Variants in RHAG observed in about 807,000 individuals in gnomAD.
The protein encoded by RHAG is ammonium transporter Rh type A.
Under a neutral mutation model 42.4 loss-of-function variants are expected in RHAG, and 25 were observed. The ratio of observed to expected loss-of-function variants is 0.59; its 90% CI spans 0.43 to 0.82. The LOEUF (loss-of-function observed/expected upper bound fraction) is 0.82. RHAG is among the 40% of genes least tolerant of loss of function. The pLI, the probability that RHAG is intolerant of heterozygous loss-of-function variation, is 0.00. For synonymous variants in RHAG, 182 were observed against 177.7 expected, an observed-to-expected ratio of 1.02 and a Z score of -0.19; for missense variants, 483 against 504.6, an observed-to-expected ratio of 0.96 and a Z score of 0.41.
At chr6:49,613,790 C>T (rs1457232654) in intron 5 of RHAG, among the ~76,000 whole-genome samples, 3 of 152,220 alleles carry the variant, frequency 2.0e-5, no homozygotes, top group Admixed American at 1.3e-4. Context: ...ATATGTCCCT[C>T]ATCCAGTTTC....
Position 49,614,667 on chromosome 6 carries a change from A to G in RHAG, c.807+20T>C. ...AGTGTTGTGAAGCAAAATTTCCATG[A>G]GGGCTAAGGCGGCACTTACCATGTT... On this transcript the variant is annotated intron_variant, in intron 5 of 9. Coordinates refer to ENST00000371175, the MANE Select transcript of RHAG (RefSeq NM_000324.3). 6.2e-7 allele frequency: 1 copy of G among 1,612,560 alleles called. No individual in the cohort carries two copies. Among genetic ancestry groups the G allele is most frequent in the Non-Finnish European group, 8.5e-7 (1 of 1,179,598 alleles).
At chr6:49,618,764 C>T (rs749856404) in intron 2 of RHAG, among the ~76,000 whole-genome samples, 3 of 152,112 alleles carry the variant, frequency 2.0e-5, no homozygotes, top group Non-Finnish European at 2.9e-5. Context: ...ACCAGAGAAA[C>T]GATTGATTTG....
At chr6:49,619,479 G>A (rs1762717013) in intron 1 of RHAG, 117 bp from the exon 2 acceptor site, 15 of 995,630 alleles carry the variant, frequency 1.5e-5, no homozygotes, top group Non-Finnish European at 2.0e-5. Context: ...TAGGAAAAGA[G>A]AGCATTTAAC....
At chr6:49,635,237 T>G (rs767183228) in intron 1 of RHAG, among the ~76,000 whole-genome samples, 10 of 151,938 alleles carry the variant, frequency 6.6e-5, no homozygotes, top group Non-Finnish European at 1.0e-4. Flanking sequence ...TGCTGGGACT[T>G]AGAAAGTTCA....
At chr6:49,619,465 A>G (rs1200107317) in intron 1 of RHAG, 103 bp from the exon 2 acceptor site, 3 of 1,064,170 alleles carry the variant, frequency 2.8e-6, no homozygotes, top group African/African-American at 3.1e-5. Flanking sequence ...TTTGTATAAC[A>G]CACTAGGAAA....
At chr6:49,624,424 C>T (rs184147848) in intron 1 of RHAG, among the ~76,000 whole-genome samples, 2 of 152,242 alleles carry the variant, frequency 1.3e-5, no homozygotes, top group East Asian at 3.9e-4. Context: ...AGGTTGGTCT[C>T]GAACTCCTGA....
At position 49,611,083 on chromosome 6, in the gene RHAG, T is replaced by G; in HGVS notation, c.1008A>C (p.Leu336Phe). 1 of 1,613,826 alleles carries G rather than the reference T, an allele frequency of 6.2e-7. No homozygotes were observed. The highest frequency in any genetic ancestry group is 8.5e-7 in the Non-Finnish European group (1 of 1,179,848). ...CTGCAAGGCCTCCCACTACACCAGGTAAGCCGTGGAGGTTATGGACCCCAC... is the reference window on the plus strand; with the variant it reads ...CTGCAAGGCCTCCCACTACACCAGGGAAGCCGTGGAGGTTATGGACCCCAC... ...DTCGVHNLHG[L>F]PGVVGGLAGI... Residue 336 changes from leucine to phenylalanine, a missense_variant, in exon 7 of 10, where the codon TTA becomes TTC. Physicochemically the swap from Leu to Phe is conservative, Grantham distance 22. Coordinates refer to ENST00000371175, the MANE Select transcript of RHAG (RefSeq NM_000324.3).
intron 1 of RHAG, among the ~76,000 whole-genome samples, chr6:49,633,116 G>A (rs1762957968): frequency 6.6e-6 from 1 of 152,182 alleles, no homozygotes; most frequent in South Asian, 2.1e-4. Context: ...CAGAATACAA[G>A]TGATGAGAAT....
Position 49,605,831 on chromosome 6 carries a change from C to G in RHAG, c.1213-1G>C. ...TGTCAAGTTATCTCGTCTTAGGGAC[C>G]TTTAAAAAAACAAGTTTGAGGGCAC... is the stretch of plus-strand genomic sequence containing the variant. On this transcript the variant is annotated splice_acceptor_variant, in intron 9 of 9. Coordinates refer to ENST00000371175, the MANE Select transcript of RHAG (RefSeq NM_000324.3). LOFTEE classifies it high-confidence loss of function. The G allele has an allele frequency of 1.9e-6, 3 of 1,612,804 alleles. No homozygotes were observed. The highest frequency in any genetic ancestry group is 2.5e-6 in the Non-Finnish European group (3 of 1,178,992).
chr6:49,634,275 T>C (rs1762975052), intron 1 of RHAG, among the ~76,000 whole-genome samples: 1 of 152,136 alleles, frequency 6.6e-6, no homozygotes, highest in African/African-American at 2.4e-5. Flanking sequence ...TCTTCATCAC[T>C]TTCCCTGTTC....
At chr6:49,634,621 A>T (rs1244554930) in intron 1 of RHAG, among the ~76,000 whole-genome samples, 1 of 152,026 alleles carries the variant, frequency 6.6e-6, no homozygotes, top group African/African-American at 2.4e-5. Flanking sequence ...TACACAATGG[A>T]ATCCCATTTT....
intron 8 of RHAG, 45 bp downstream of exon 8, chr6:49,607,105 T>G: frequency 6.7e-7 from 1 of 1,499,250 alleles, no homozygotes; most frequent in Non-Finnish European, 9.3e-7. Flanking sequence ...TTGTAAATAA[T>G]CTGAGAGCAT....
At chr6:49,633,587 G>T (rs1005108120) in intron 1 of RHAG, among the ~76,000 whole-genome samples, 17 of 152,122 alleles carry the variant, frequency 1.1e-4, no homozygotes, top group Non-Finnish European at 2.4e-4. Flanking sequence ...CACCTTTCCT[G>T]AAGAGAGAAC....
At chr6:49,609,556 A>G (rs913693868) in intron 7 of RHAG, among the ~76,000 whole-genome samples, 1 of 152,216 alleles carries the variant, frequency 6.6e-6, no homozygotes, top group African/African-American at 2.4e-5. Flanking sequence ...TTTGATCTCT[A>G]CAGTCTCAGG....
At chr6:49,611,214 C>A in intron 6 of RHAG, 69 bp from the exon 7 acceptor site, 2 of 1,292,872 alleles carry the variant, frequency 1.5e-6, no homozygotes, top group Non-Finnish European at 2.2e-6. Context: ...TGAAACAGAG[C>A]TATAGCTGGG....
chr6:49,614,283 C>A, intron 5 of RHAG, among the ~76,000 whole-genome samples: 1 of 151,878 alleles, frequency 6.6e-6, no homozygotes, highest in East Asian at 1.9e-4. Flanking sequence ...ACCTCCACCT[C>A]CCAGGTTCAA....
intron 1 of RHAG, among the ~76,000 whole-genome samples, chr6:49,619,591 C>T (rs925858602): frequency 6.6e-6 from 1 of 152,164 alleles, no homozygotes; most frequent in Non-Finnish European, 1.5e-5. Context: ...GAAGACTATG[C>T]ACTATTACAA....
At position 49,607,207 on chromosome 6, in the gene RHAG, G is replaced by T; in HGVS notation, c.1081C>A (p.Gln361Lys). The stretch of plus-strand genomic sequence containing the variant: ...ATAGAGGAACCCAGTGCAGCTGCCT[G>T]CATGGCCATAGACCTAAGGAAGCAA... ...MGASNTSMAMQAAALGSSIGT... is the reference protein window; with the variant it reads ...MGASNTSMAMKAAALGSSIGT... The change falls in exon 8 of 10, where the codon CAG becomes AAG. Residue 361 changes from glutamine to lysine, a missense_variant. Coordinates refer to ENST00000371175, the MANE Select transcript of RHAG (RefSeq NM_000324.3). 1 of 1,613,456 alleles carries T rather than the reference G, an allele frequency of 6.2e-7. No homozygotes were observed. The highest frequency in any genetic ancestry group is 8.5e-7 in the Non-Finnish European group (1 of 1,179,650).
At chr6:49,630,002 C>T (rs766388623) in intron 1 of RHAG, among the ~76,000 whole-genome samples, 6 of 152,184 alleles carry the variant, frequency 3.9e-5, no homozygotes, top group Admixed American at 2.0e-4. Flanking sequence ...TCCCACAGTG[C>T]CCTGGTGGGC....
Sources: gnomAD v4.1 joint callset for allele counts (sites outside exome capture counted in the v4.1 genomes callset) on GRCh38, gnomAD v4.1.1 for gene constraint, MANE v1.5 for transcripts, NCBI Gene and HGNC (gene_info 2026-07-23, HGNC 2026-07-21) for gene names.